Variants in MXI1 observed in about 807,000 individuals in gnomAD.
MXI1 encodes max-interacting protein 1.
Under a neutral mutation model 36.9 loss-of-function variants are expected in MXI1, and 18 were observed. That is an observed-to-expected ratio of 0.49 (90% CI 0.34 to 0.72). The LOEUF (loss-of-function observed/expected upper bound fraction) is 0.72, where lower values mean the gene tolerates loss of function less well. Ranked by LOEUF, MXI1 falls within the 30% of genes least tolerant of loss-of-function variation. MXI1 has a pLI of 0.01. For missense variants in MXI1, 304 were observed against 379.1 expected (o/e 0.80, Z 1.64); for synonymous variants, 160 against 146.7 (o/e 1.09, Z -0.65).
intron 3 of MXI1, among the ~76,000 whole-genome samples, chr10:110,261,734 A>G (rs1416064971): frequency 2.0e-5 from 3 of 152,072 alleles, no homozygotes; most frequent in African/African-American, 7.2e-5. Context: ...TGCTGAAAAT[A>G]TGGATGCCTG....
intron 1 of MXI1, chr10:110,225,943 G>C (rs1854949915): frequency 1.1e-6 from 1 of 896,252 alleles, no homozygotes; most frequent in African/African-American, 1.8e-5. Context: ...GGGGCGGGAG[G>C]GGGCGGGCCC....
intron 5 of MXI1, among the ~76,000 whole-genome samples, chr10:110,280,823 C>T (rs1857221160): frequency 6.6e-6 from 1 of 152,162 alleles, no homozygotes; most frequent in Non-Finnish European, 1.5e-5. Flanking sequence ...ATTTCTCTTT[C>T]CATCTATCCT....
chr10:110,248,221 G>A (rs982188243), intron 3 of MXI1, among the ~76,000 whole-genome samples: 19 of 152,142 alleles, frequency 1.2e-4, no homozygotes, highest in African/African-American at 4.6e-4. Context: ...GGGAGGGATA[G>A]CATTAGGAGA....
intron 3 of MXI1, chr10:110,261,185 A>G: frequency 1.0e-6 from 1 of 963,462 alleles, no homozygotes; most frequent in Non-Finnish European, 1.2e-6. Flanking sequence ...CATTTAGACA[A>G]TAAAAGTAGC....
At chr10:110,252,331 C>T (rs1281154734) in intron 3 of MXI1, among the ~76,000 whole-genome samples, 1 of 152,116 alleles carries the variant, frequency 6.6e-6, no homozygotes, top group Admixed American at 6.6e-5. Context: ...ATTGGCTTCT[C>T]ACTACAATTA....
intron 3 of MXI1, among the ~76,000 whole-genome samples, chr10:110,274,053 A>T (rs534188807): frequency 1.2e-4 from 19 of 152,338 alleles, no homozygotes; most frequent in Non-Finnish European, 2.4e-4. Flanking sequence ...TTAAAATAGC[A>T]CAGCTACTAG....
At chr10:110,208,136 C>T (rs1348243465) in intron 1 of MXI1, 54 bp downstream of exon 1, 2 of 1,545,526 alleles carry the variant, frequency 1.3e-6, no homozygotes, top group East Asian at 2.6e-5. Flanking sequence ...CTTTCTCGCC[C>T]ACTTGGGCGA....
intron 1 of MXI1, among the ~76,000 whole-genome samples, chr10:110,210,749 T>C (rs996665584): frequency 2.0e-5 from 3 of 152,196 alleles, no homozygotes; most frequent in Non-Finnish European, 2.9e-5. Flanking sequence ...GCGGCGCTCG[T>C]CGTTGTTTTC....
chr10:110,207,756 G>A lies in MXI1; in HGVS notation c.-53G>A. 2 of 1,111,236 alleles carry A rather than the reference G, an allele frequency of 1.8e-6. No homozygotes were observed. The highest frequency in any genetic ancestry group is 2.2e-6 in the Non-Finnish European group (2 of 907,030). The allele number at this position is 1,111,236 out of a possible 1,614,324, so 68.8% of individuals were successfully genotyped here. Reference sequence around the variant, plus strand: ...GGTCTCCCTGGGGGCCCGGAGCTCGGCCGGGCCGCGCAGCCCCGTTAGAGG... The same window carrying A: ...GGTCTCCCTGGGGGCCCGGAGCTCGACCGGGCCGCGCAGCCCCGTTAGAGG... On this transcript the variant is annotated 5_prime_UTR_variant, in exon 1 of 6. Transcript: ENST00000332674.
At chr10:110,244,879 G>A in intron 3 of MXI1, 22 bp downstream of exon 3, 1 of 1,606,012 alleles carries the variant, frequency 6.2e-7, no homozygotes, top group Non-Finnish European at 8.5e-7. Flanking sequence ...ATGAGGTACA[G>A]CTTTCACTTA....
At chr10:110,239,967 A>G (rs965044986) in intron 2 of MXI1, among the ~76,000 whole-genome samples, 1 of 150,408 alleles carries the variant, frequency 6.6e-6, no homozygotes, top group African/African-American at 2.5e-5. Context: ...TTTTTATGCC[A>G]TAATTTAGTT....
rs762564440 is a variant in MXI1, at chr10:110,235,414, ACAGTGGCTTACACCTGTAATCT to A, written c.407+7097_407+7118del. On this transcript the variant is annotated intron_variant, in intron 2 of 5. Transcript: ENST00000332674. ...TTAAAAAAAATAAGCTTGGCCGGGC[ACAGTGGCTTACACCTGTAATCT>A]CAGCACTTTGGGAGGCTGAGGCCAG... Among the ~76,000 whole-genome samples, 43 of 152,258 alleles carry A rather than the reference ACAGTGGCTTACACCTGTAATCT, an allele frequency of 2.8e-4. No individual in the cohort carries two copies. In the East Asian group the frequency reaches 6.8e-3, roughly 24 times the overall value.
Position 110,244,856 on chromosome 10 carries a change from C to A in MXI1, c.436C>A (p.Arg146=). The change falls in exon 3 of 6, where the codon CGA becomes AGA. Residue 146 remains arginine, a splice_region_variant and synonymous_variant. Transcript: ENST00000332674. The stretch of plus-strand genomic sequence containing the variant: ...TACACACAATGAGCTGGAAAAGAAT[C>A]GGTGAGTCAGTGATGAGGTACAGCT... ...RSTHNELEKN[R]RAHLRLCLER... 2 of 1,602,222 alleles carry A rather than the reference C, an allele frequency of 1.2e-6. No homozygotes were observed. Among genetic ancestry groups the A allele is most frequent in the Non-Finnish European group, 1.7e-6 (2 of 1,175,430 alleles).
intron 3 of MXI1, among the ~76,000 whole-genome samples, chr10:110,256,626 AAAAGAAAT>A (rs1856307690): frequency 1.4e-5 from 2 of 146,768 alleles, no homozygotes; most frequent in South Asian, 4.7e-4. Flanking sequence ...AAAAAAAAAA[AAAAGAAAT>A]GGCCAATATA....
intron 1 of MXI1, among the ~76,000 whole-genome samples, chr10:110,224,459 G>T (rs1386677947): frequency 2.6e-5 from 4 of 152,162 alleles, no homozygotes; most frequent in Non-Finnish European, 4.4e-5. Context: ...AGTGGGTAGA[G>T]GCCAGGGATG....
chr10:110,271,449 T>C (rs1353949039), intron 3 of MXI1, among the ~76,000 whole-genome samples: 2 of 152,234 alleles, frequency 1.3e-5, no homozygotes, highest in African/African-American at 4.8e-5. Flanking sequence ...TCACTCTCAA[T>C]TGAAATACAG....
At chr10:110,216,041 A>C (rs1359466478) in intron 1 of MXI1, among the ~76,000 whole-genome samples, 6 of 152,212 alleles carry the variant, frequency 3.9e-5, no homozygotes, top group Admixed American at 3.9e-4. Flanking sequence ...TCAACAGCTG[A>C]CTTGATCTTT....
rs368508943 is a variant in MXI1 at position 110,235,752 on chromosome 10, T to C, written c.407+7431T>C. Among the ~76,000 whole-genome samples, 22 of 152,070 alleles carry C rather than the reference T, an allele frequency of 1.4e-4. No homozygotes were observed. The South Asian group carries it at 3.7e-3, about 26-fold the overall frequency. ...TTGGCCGGGTGTGGTGGCTTATGCCTGTGTTCCCAACACTTTGGGAGGCCG... is the reference window on the plus strand; with the variant it reads ...TTGGCCGGGTGTGGTGGCTTATGCCCGTGTTCCCAACACTTTGGGAGGCCG... On this transcript the variant is annotated intron_variant, in intron 2 of 5. Transcript: ENST00000332674.
At chr10:110,262,626 A>G (rs1009965295) in intron 3 of MXI1, among the ~76,000 whole-genome samples, 9 of 152,100 alleles carry the variant, frequency 5.9e-5, no homozygotes, top group African/African-American at 2.4e-5. Flanking sequence ...AGTTTACAGT[A>G]CTTTAAAGTA....
Sources: allele counts gnomAD v4.1 joint callset (sites outside exome capture counted in the v4.1 genomes callset), GRCh38; gene constraint gnomAD v4.1.1; transcripts MANE v1.5; gene names NCBI Gene and HGNC (gene_info 2026-07-23, HGNC 2026-07-21).